PCNX1: variants seen among roughly 807,000 people sequenced by gnomAD.
PCNX1 encodes pecanex 1.
In PCNX1, 78 loss-of-function variants were observed where a neutral mutation model predicts 242.2. That is an observed-to-expected ratio of 0.32 (90% CI 0.27 to 0.39). The LOEUF is 0.39. Among genes scored for constraint, PCNX1 ranks in the 10% least tolerant of loss-of-function variants. The pLI, the probability that PCNX1 is intolerant of heterozygous loss-of-function variation, is 1.00. For synonymous variants in PCNX1, 1,024 were observed against 1,032.9 expected, an observed-to-expected ratio of 0.99 and a Z score of 0.17; for missense variants, 2,581 against 2,856.5, an observed-to-expected ratio of 0.90 and a Z score of 2.20.
At chr14:70,922,605 A>G (rs2140100011) in intron 1 of PCNX1, among the ~76,000 whole-genome samples, 1 of 152,250 alleles carries the variant, frequency 6.6e-6, no homozygotes, top group Admixed American at 6.5e-5. Context: ...ACATATATTC[A>G]TATATGTATG....
At chr14:70,966,342 A>C (rs1161368310) in intron 3 of PCNX1, among the ~76,000 whole-genome samples, 1 of 152,234 alleles carries the variant, frequency 6.6e-6, no homozygotes, top group Non-Finnish European at 1.5e-5. Flanking sequence ...ATTTGTGTTC[A>C]GCAGCCTAAC....
At chr14:71,012,793 C>G (rs1383585589) in intron 10 of PCNX1, 192 bp from the exon 11 acceptor site, 10 of 526,480 alleles carry the variant, frequency 1.9e-5, no homozygotes, top group Non-Finnish European at 3.3e-5. Context: ...GATTGCACCA[C>G]TGTACTTCAG....
chr14:70,948,760 T>C (rs545234248), intron 2 of PCNX1, among the ~76,000 whole-genome samples: 31 of 148,700 alleles, frequency 2.1e-4, no homozygotes, highest in Non-Finnish European at 3.4e-4. Context: ...TATATGTACA[T>C]ATACACATAT....
rs762759529 is a variant in PCNX1 at position 70,991,148 on chromosome 14, T to C, written c.2444+2449T>C. Among the ~76,000 whole-genome samples the C allele has an allele frequency of 1.2e-3, 177 of 152,132 alleles. 3 individuals are homozygous for C. The highest frequency in any genetic ancestry group is 2.1e-3 in the Admixed American group (32 of 15,272). ...CAGCCAATCACATACAATTTTCCCA[T>C]GTTTTTCTAGGGTTTGGAATACATT... is the stretch of plus-strand genomic sequence containing the variant. On this transcript the variant is annotated intron_variant, in intron 7 of 35. Coordinates refer to ENST00000304743, the MANE Select transcript of PCNX1 (RefSeq NM_014982.3).
intron 1 of PCNX1, 62 bp from the exon 2 acceptor site, chr14:70,946,853 A>G (rs1303780262): frequency 6.3e-6 from 7 of 1,107,734 alleles, no homozygotes; most frequent in Non-Finnish European, 9.3e-6. Flanking sequence ...ATACAGATTT[A>G]TCTAATTGAA....
chr14:70,996,884 C>T (rs2059368510), intron 8 of PCNX1, among the ~76,000 whole-genome samples: 1 of 152,032 alleles, frequency 6.6e-6, no homozygotes, highest in Non-Finnish European at 1.5e-5. Context: ...TTCATTGACT[C>T]TTTTTTCTAT....
chr14:71,019,718 G>C (rs932254537), intron 12 of PCNX1, among the ~76,000 whole-genome samples: 1 of 151,774 alleles, frequency 6.6e-6, no homozygotes, highest in South Asian at 2.1e-4. Context: ...AACTGTATTT[G>C]TTAAAATAAG....
At chr14:70,943,120 T>G (rs2057322385) in intron 1 of PCNX1, among the ~76,000 whole-genome samples, 1 of 152,180 alleles carries the variant, frequency 6.6e-6, no homozygotes, top group South Asian at 2.1e-4. Context: ...TCTCGGGTAT[T>G]TCTTCATAGC....
At chr14:71,066,922 C>T (rs193286345) in intron 26 of PCNX1, among the ~76,000 whole-genome samples, 43 of 152,188 alleles carry the variant, frequency 2.8e-4, no homozygotes, top group Admixed American at 2.0e-3. Context: ...TATTGATTTG[C>T]GTATGTTGAA....
intron 24 of PCNX1, among the ~76,000 whole-genome samples, chr14:71,055,063 G>T (rs1012412668): frequency 6.6e-6 from 1 of 152,214 alleles, no homozygotes; most frequent in Non-Finnish European, 1.5e-5. Context: ...AAAACTGCCT[G>T]AAAGAGCCTT....
chr14:70,956,868 A>T (rs563032077), intron 2 of PCNX1, among the ~76,000 whole-genome samples: 2 of 152,266 alleles, frequency 1.3e-5, no homozygotes, highest in Non-Finnish European at 2.9e-5. Context: ...GTAAGAGGAG[A>T]ATAATAACTG....
chr14:71,077,010 G>A (rs1385770736), intron 28 of PCNX1, among the ~76,000 whole-genome samples: 2 of 152,172 alleles, frequency 1.3e-5, no homozygotes, highest in African/African-American at 2.4e-5. Flanking sequence ...ATTTTCAAAT[G>A]TTAATATGAG....
intron 8 of PCNX1, among the ~76,000 whole-genome samples, chr14:71,005,858 A>T (rs1310224970): frequency 2.6e-5 from 4 of 151,976 alleles, no homozygotes; most frequent in Non-Finnish European, 5.9e-5. Flanking sequence ...AACAAATTTT[A>T]TGAACAATAA....
chr14:71,031,855 C>T (rs1161831682), intron 16 of PCNX1: 16 of 1,470,318 alleles, frequency 1.1e-5, no homozygotes, highest in East Asian at 2.3e-5. Context: ...CAGGTAGACA[C>T]ACTGTTTCAG....
chr14:71,026,390 C>A, intron 14 of PCNX1, 102 bp downstream of exon 14: 1 of 684,844 alleles, frequency 1.5e-6, no homozygotes, highest in Non-Finnish European at 2.3e-6. Flanking sequence ...TTTTAATAAG[C>A]TTATTTTACT....
At chr14:70,960,602 G>A (rs1338607068) in intron 2 of PCNX1, among the ~76,000 whole-genome samples, 2 of 151,910 alleles carry the variant, frequency 1.3e-5, no homozygotes, top group East Asian at 1.9e-4. Context: ...TTTGAAAACT[G>A]GCACAAGACA....
intron 9 of PCNX1, among the ~76,000 whole-genome samples, chr14:71,011,243 T>G (rs2059812383): frequency 6.6e-6 from 1 of 152,140 alleles, no homozygotes; most frequent in African/African-American, 2.4e-5. Flanking sequence ...ACTATTGTCA[T>G]ATGTTACTGA....
rs1484697787 is a variant in PCNX1, at chr14:70,978,419, C to T, written c.2082C>T (p.Asp694=). Residue 694 remains aspartate (D), a synonymous_variant, in exon 6 of 36, where the codon GAC becomes GAT. Coordinates refer to ENST00000304743, the MANE Select transcript of PCNX1 (RefSeq NM_014982.3). The part of the protein sequence containing the change: ...AKTRARVLSL[D]SGTVACLNDS... Reference sequence around the variant, plus strand: ...CTCGTGCCCGAGTGTTGAGCCTGGACAGTGGCACAGTAGCATGTTTGAATG... The same window carrying T: ...CTCGTGCCCGAGTGTTGAGCCTGGATAGTGGCACAGTAGCATGTTTGAATG... 5 of 1,614,178 alleles carry T rather than the reference C, an allele frequency of 3.1e-6. No homozygotes were observed. Among genetic ancestry groups the T allele is most frequent in the South Asian group, 1.1e-5 (1 of 91,088 alleles).
chr14:71,039,708 T>A lies in PCNX1; in HGVS notation c.3867+3551T>A, dbSNP rs76020826. Among the ~76,000 whole-genome samples the A allele has an allele frequency of 9.2e-5, 14 of 152,244 alleles. No individual in the cohort carries two copies. In the East Asian group the frequency reaches 2.5e-3, roughly 27 times the overall value. ...CATCAGTAGACCTCCATGATCGACA[T>A]CCCTTCTATATGCAAAGTGCACATA... On this transcript the variant is annotated intron_variant, in intron 19 of 35. Coordinates refer to ENST00000304743, the MANE Select transcript of PCNX1 (RefSeq NM_014982.3).
Sources: allele counts gnomAD v4.1 joint callset (sites outside exome capture counted in the v4.1 genomes callset), GRCh38; gene constraint gnomAD v4.1.1; transcripts MANE v1.5; gene names NCBI Gene and HGNC (gene_info 2026-07-23, HGNC 2026-07-21).